The following STARD9 variants were observed in gnomAD, a reference collection of about 807,000 sequenced individuals.
STARD9 encodes the protein StAR related lipid transfer domain containing 9.
STARD9 carries 346 observed loss-of-function variants against 399.8 expected under a neutral mutation model. The ratio of observed to expected loss-of-function variants is 0.87; its 90% CI spans 0.79 to 0.95. The LOEUF (loss-of-function observed/expected upper bound fraction) is 0.95, where lower values mean the gene tolerates loss of function less well. STARD9 is among the 40% of genes least tolerant of loss of function. The pLI is 0.00. For missense variants in STARD9, 5,832 were observed against 5,667.5 expected (o/e 1.03, Z -0.93); for synonymous variants, 2,203 against 2,143.5 (o/e 1.03, Z -0.77).
intron 16 of STARD9, 80 bp downstream of exon 16, chr15:42,669,417 A>G (rs1304448304): frequency 1.6e-6 from 2 of 1,271,066 alleles, no homozygotes; most frequent in East Asian, 2.6e-5. Context: ...AGCAGCAGCC[A>G]TGTTACTGTG....
In STARD9 at chr15:42,661,154, C is replaced by T; in HGVS notation, c.703-4C>T. On this transcript the variant is annotated splice_polypyrimidine_tract_variant and splice_region_variant and intron_variant, in intron 9 of 32. Transcript: ENST00000290607. ...TGACAGGCTTTAAATGTTTTCTCCT[C>T]TAGGCAATCCTGGAGAACAACCTCC... 3 of 1,534,698 alleles carry T rather than the reference C, an allele frequency of 2.0e-6. No individual in the cohort carries two copies. Among genetic ancestry groups the T allele is most frequent in the Non-Finnish European group, 2.6e-6 (3 of 1,144,670 alleles).
At position 42,675,726 on chromosome 15, in the gene STARD9, G is replaced by C. The variant is rs768693211; in HGVS notation, c.1750G>C (p.Val584Leu). 6.5e-7 allele frequency: 1 copy of C among 1,537,212 alleles called. No individual in the cohort carries two copies. The highest frequency in any genetic ancestry group is 8.7e-7 in the Non-Finnish European group (1 of 1,146,854). Residue 584 changes from valine to leucine, a missense_variant, in exon 19 of 33, where the codon GTC (valine) becomes CTC (leucine). Around this residue, in one of 2 missense-constraint regions of STARD9, gnomAD observed 5,828 missense variants for 5,651.1 expected, o/e 1.03. Coordinates refer to ENST00000290607, the MANE Select transcript of STARD9 (RefSeq NM_020759.3). ...ATTCAACCACCCAGCAGAGGCTGCT[G>C]TCCTGCGGCAGCGAAGGCAGGTTAG... ...FRFNHPAEAAVLRQRRQVGEA... is the reference protein window; with the variant it reads ...FRFNHPAEAALLRQRRQVGEA...
At chr15:42,605,493 T>G (rs541093919) in intron 3 of STARD9, among the ~76,000 whole-genome samples, 26 of 152,292 alleles carry the variant, frequency 1.7e-4, no homozygotes, top group Non-Finnish European at 3.1e-4. Flanking sequence ...GCAGTGCACT[T>G]AAGCCCATAA....
chr15:42,682,100 C>T lies in STARD9; in HGVS notation c.2066-4C>T. On this transcript the variant is annotated splice_polypyrimidine_tract_variant and splice_region_variant and intron_variant, in intron 21 of 32. Coordinates refer to ENST00000290607, the MANE Select transcript of STARD9 (RefSeq NM_020759.3). The stretch of plus-strand genomic sequence containing the variant: ...AATTCTCTCTGGGTGTTTTTGGTTC[C>T]CAGACCAGCAGTGTCTGCTCAGAGA... 6.5e-7 allele frequency: 1 copy of T among 1,528,200 alleles called. No individual in the cohort carries two copies. The highest frequency in any genetic ancestry group is 8.8e-7 in the Non-Finnish European group (1 of 1,142,024). The allele number at this position is 1,528,200 out of a possible 1,614,324, so 94.7% of individuals were successfully genotyped here.
At chr15:42,640,563 T>C (rs914628322) in intron 7 of STARD9, among the ~76,000 whole-genome samples, 4 of 152,036 alleles carry the variant, frequency 2.6e-5, no homozygotes, top group Non-Finnish European at 5.9e-5. Context: ...GGCTCACGCC[T>C]GTGATCCCAG....
In STARD9 at chr15:42,586,130, G is replaced by A. The variant is rs566344796; in HGVS notation, c.234+493G>A. ...TCCATTTAGGCTTGAGCCTCCTCATGATTCAGGTGGGTATAAGTTAGCTCA... is the reference window on the plus strand; with the variant it reads ...TCCATTTAGGCTTGAGCCTCCTCATAATTCAGGTGGGTATAAGTTAGCTCA... On this transcript the variant is annotated intron_variant, in intron 3 of 32. Coordinates refer to ENST00000290607, the MANE Select transcript of STARD9 (RefSeq NM_020759.3). Among the ~76,000 whole-genome samples, 96 of 152,374 alleles carry A rather than the reference G, an allele frequency of 6.3e-4. No individual in the cohort carries two copies. The South Asian group carries it at 0.015, about 24-fold the overall frequency.
intron 3 of STARD9, among the ~76,000 whole-genome samples, chr15:42,603,401 C>T (rs2058668336): frequency 6.6e-6 from 1 of 152,108 alleles, no homozygotes; most frequent in Admixed American, 6.6e-5. Context: ...AGGCATGAGC[C>T]ACCATGCCAG....
chr15:42,591,174 T>G (rs2058384990), intron 3 of STARD9, among the ~76,000 whole-genome samples: 1 of 152,048 alleles, frequency 6.6e-6, no homozygotes, highest in Admixed American at 6.6e-5. Context: ...CCAGTAGCAA[T>G]CCCCCAACTG....
chr15:42,693,728 TCAGTGGCAGAG>T lies in STARD9; in HGVS notation c.12154_12164del (p.Trp4052AspfsTer6). The stretch of plus-strand genomic sequence containing the variant: ...GCCCACTGAGCGGTAGGGAGCCAAG[TCAGTGGCAGAG>T]CAGGACAGAAAATGGAGGTGAGAGT... On this transcript the variant is annotated frameshift_variant, in exon 23 of 33. Transcript: ENST00000290607. LOFTEE classifies it high-confidence loss of function. 1 of 1,536,872 alleles carries T rather than the reference TCAGTGGCAGAG, an allele frequency of 6.5e-7. No individual in the cohort carries two copies. Among genetic ancestry groups the T allele is most frequent in the East Asian group, 2.4e-5 (1 of 40,914 alleles).
At chr15:42,582,811 CA>C (rs2058201236) in intron 1 of STARD9, among the ~76,000 whole-genome samples, 1 of 152,132 alleles carries the variant, frequency 6.6e-6, no homozygotes, top group Non-Finnish European at 1.5e-5. Context: ...TCCTGCCTCT[CA>C]GTCTTGCAAG....
intron 3 of STARD9, among the ~76,000 whole-genome samples, chr15:42,594,459 G>A (rs573918611): frequency 6.6e-6 from 1 of 152,268 alleles, no homozygotes; most frequent in African/African-American, 2.4e-5. Context: ...AAAATTGTAC[G>A]TAATTAGGAC....
intron 26 of STARD9, among the ~76,000 whole-genome samples, chr15:42,715,801 C>T (rs746181923): frequency 2.0e-5 from 3 of 152,162 alleles, no homozygotes; most frequent in Non-Finnish European, 1.5e-5. Flanking sequence ...AGCCACCGCC[C>T]GGCCCCCAAA....
chr15:42,694,909 G>C (rs2060807724), intron 24 of STARD9, among the ~76,000 whole-genome samples, 184 bp downstream of exon 24: 1 of 152,134 alleles, frequency 6.6e-6, no homozygotes, highest in Non-Finnish European at 1.5e-5. Flanking sequence ...GGAAATGATG[G>C]ACAGAAGGGC....
chr15:42,719,458 T>C lies in STARD9; in HGVS notation c.14002-15T>C. 1 of 1,510,616 alleles carries C rather than the reference T, an allele frequency of 6.6e-7. No homozygotes were observed. Among genetic ancestry groups the C allele is most frequent in the Non-Finnish European group, 8.9e-7 (1 of 1,122,788 alleles). 93.6% of individuals were successfully genotyped at this position (1,510,616 alleles called of 1,614,324 possible). On this transcript the variant is annotated splice_polypyrimidine_tract_variant and intron_variant, in intron 32 of 32. Coordinates refer to ENST00000290607, the MANE Select transcript of STARD9 (RefSeq NM_020759.3). ...AATCTATTTGCACCTTAAATTCTTC[T>C]CTCTCTGCTTTCAGGTGGAACTTGG...
At chr15:42,598,409 C>G (rs573845891) in intron 3 of STARD9, among the ~76,000 whole-genome samples, 1 of 151,074 alleles carries the variant, frequency 6.6e-6, no homozygotes, top group South Asian at 2.1e-4. Context: ...GAAAGGCTTT[C>G]TCACTCTGAG....
chr15:42,719,782 C>T lies in STARD9; in HGVS notation c.*208C>T, dbSNP rs756582092. 1.5e-5 allele frequency: 8 copies of T among 546,250 alleles called. No homozygotes were observed. Among genetic ancestry groups the T allele is most frequent in the Non-Finnish European group, 2.6e-5 (8 of 306,744 alleles). 33.8% of individuals were successfully genotyped at this position (546,250 alleles called of 1,614,324 possible). On this transcript the variant is annotated 3_prime_UTR_variant, in exon 33 of 33. Coordinates refer to ENST00000290607, the MANE Select transcript of STARD9 (RefSeq NM_020759.3). ...ACAGCTGGCACCAGTGCAGAGCAAA[C>T]GGCCTGAGCTCCTGGCCCAGACTAT...
At chr15:42,694,754 G>A (rs1347590369) in intron 24 of STARD9, 29 bp downstream of exon 24, 2 of 1,530,530 alleles carry the variant, frequency 1.3e-6, no homozygotes, top group Admixed American at 2.0e-5. Flanking sequence ...CCTGCTGGGA[G>A]CAGGCTCTGT....
chr15:42,689,203 C>T lies in STARD9; in HGVS notation c.7625C>T (p.Ser2542Phe). 1 of 1,537,304 alleles carries T rather than the reference C, an allele frequency of 6.5e-7. No homozygotes were observed. The highest frequency in any genetic ancestry group is 1.2e-5 in the South Asian group (1 of 84,062). Residue 2542 changes from serine (S) to phenylalanine (F), a missense_variant, in exon 23 of 33, where the codon TCT becomes TTT. Physicochemically the swap from Ser to Phe is radical, Grantham distance 155. Around this residue, in one of 2 missense-constraint regions of STARD9, gnomAD observed 5,828 missense variants for 5,651.1 expected, o/e 1.03. Transcript: ENST00000290607. ...CCAGAGCCTAGGCTGTTGGAGCCCT[C>T]TGACCATGCATCCATGTGCCTGGCC... ...PSPEPRLLEPSDHASMCLAIL... is the reference protein window; with the variant it reads ...PSPEPRLLEPFDHASMCLAIL...
chr15:42,718,412 C>G, intron 30 of STARD9, 23 bp from the exon 31 acceptor site: 4 of 1,530,874 alleles, frequency 2.6e-6, no homozygotes, highest in Non-Finnish European at 3.5e-6. Context: ...GCCTCCTGAC[C>G]TTCCTTATCC....
Sources: gnomAD v4.1 joint callset for allele counts (sites outside exome capture counted in the v4.1 genomes callset) on GRCh38, gnomAD v4.1.1 for gene constraint, gnomAD v4.1.1 regional missense constraint, MANE v1.5 for transcripts, NCBI Gene and HGNC (gene_info 2026-07-23, HGNC 2026-07-21) for gene names.